The following NKX3-2 variants were observed in gnomAD, a reference collection of about 807,000 sequenced individuals.
NKX3-2 encodes the protein NK3 homeobox 2, also known as homeobox protein Nkx-3.2.
In NKX3-2, 13 loss-of-function variants were observed where a neutral mutation model predicts 19.4. The ratio of observed to expected loss-of-function variants is 0.67; its 90% CI spans 0.44 to 1.07. The LOEUF (loss-of-function observed/expected upper bound fraction) is 1.07, where lower values mean the gene tolerates loss of function less well. NKX3-2 is among the 50% of genes least tolerant of loss of function. The pLI is 0.00. For synonymous variants in NKX3-2, 269 were observed against 230.5 expected (o/e 1.17, Z -1.51); for missense variants, 562 against 488.2 (o/e 1.15, Z -1.42).
rs1255214650 is a variant in NKX3-2 at position 13,544,263 on chromosome 4, C to G, written c.152G>C (p.Cys51Ser). Residue 51 changes from cysteine to serine, a missense_variant, in exon 1 of 2, where the codon TGT becomes TCT. Transcript: ENST00000382438. ...GTCCCTCTCCCCAAAGAGCCGCCAA[C>G]AGCAGACAGCGGGAGCCGCGGCCAC... ...ASVAAAPAVC[C>S]WRLFGERDAG... The G allele has an allele frequency of 6.4e-7, 1 of 1,565,652 alleles. No homozygotes were observed. Among genetic ancestry groups the G allele is most frequent in the Non-Finnish European group, 8.6e-7 (1 of 1,164,788 alleles).
chr4:13,541,895 C>A lies in NKX3-2; in HGVS notation c.*98G>T, dbSNP rs1315381798. On this transcript the variant is annotated 3_prime_UTR_variant, in exon 2 of 2. Transcript: ENST00000382438. ...AGCTGGGTTTCACCTCCAGGTGCCT[C>A]CTTGGCGGGGCGCCCCGTGCAGGCT... 1 of 1,509,226 alleles carries A rather than the reference C, an allele frequency of 6.6e-7. No homozygotes were observed. The highest frequency in any genetic ancestry group is 8.9e-7 in the Non-Finnish European group (1 of 1,121,494). The allele number at this position is 1,509,226 out of a possible 1,614,324, so 93.5% of individuals were successfully genotyped here.
Position 13,542,654 on chromosome 4 carries a change from G to T in NKX3-2, c.467-126C>A. ...CACTTTGATCCCACTCAAGCGGAGCGGAGGTCTGGGAGGCCCTGGGCCCGG... is the reference window on the plus strand; with the variant it reads ...CACTTTGATCCCACTCAAGCGGAGCTGAGGTCTGGGAGGCCCTGGGCCCGG... On this transcript the variant is annotated intron_variant, in intron 1 of 1. Transcript: ENST00000382438. This position sits in a 1 kb window ranked among gnomAD's most constrained non-coding sequence, Gnocchi z 6.4. The T allele has an allele frequency of 4.8e-6, 6 of 1,243,750 alleles. No homozygotes were observed. The highest frequency in any genetic ancestry group is 6.9e-6 in the Non-Finnish European group (6 of 872,672). The allele number at this position is 1,243,750 out of a possible 1,614,324, so 77.0% of individuals were successfully genotyped here.
At position 13,541,827 on chromosome 4, in the gene NKX3-2, C is replaced by T; in HGVS notation, c.*166G>A. Reference sequence around the variant, plus strand: ...AAAAGGCGCCCCCTCAGGGCAGACTCAGCCCAGCTGCCAGGGGACAAGTCC... The same window carrying T: ...AAAAGGCGCCCCCTCAGGGCAGACTTAGCCCAGCTGCCAGGGGACAAGTCC... On this transcript the variant is annotated 3_prime_UTR_variant, in exon 2 of 2. Coordinates refer to ENST00000382438, the MANE Select transcript of NKX3-2 (RefSeq NM_001189.4). 9.0e-7 allele frequency: 1 copy of T among 1,114,266 alleles called. No individual in the cohort carries two copies. The highest frequency in any genetic ancestry group is 1.3e-6 in the Non-Finnish European group (1 of 793,656). 69.0% of individuals were successfully genotyped at this position (1,114,266 alleles called of 1,614,324 possible). A position where few individuals can be genotyped will look rare whatever the true frequency, so the allele number is the denominator to read the frequency against.
At chr4:13,546,996 C>T (rs1464485999), upstream of NKX3-2, 1 of 456,270 alleles carries the variant, frequency 2.2e-6, no homozygotes, top group South Asian at 1.5e-5. Context: ...CTGGTGTCAT[C>T]TCGGGCCATT....
At chr4:13,545,257 A>G (rs1718104235), upstream of NKX3-2, among the ~76,000 whole-genome samples, 1 of 152,196 alleles carries the variant, frequency 6.6e-6, no homozygotes, top group African/African-American at 2.4e-5. Context: ...ACCCTCCAGC[A>G]ACAAGGAGGC....
chr4:13,544,095 C>T lies in NKX3-2; in HGVS notation c.320G>A (p.Cys107Tyr). The part of the protein sequence containing the change: ...LSEENESRRR[C>Y]ADARGASGAG... ...CCCGCTGGCCCCCCGCGCGTCCGCG[C>T]AGCGCCGCCTGCTCTCGTTCTCCTC... Residue 107 changes from cysteine to tyrosine, a missense_variant, in exon 1 of 2, where the codon TGC becomes TAC. Coordinates refer to ENST00000382438, the MANE Select transcript of NKX3-2 (RefSeq NM_001189.4). 6.3e-7 allele frequency: 1 copy of T among 1,591,072 alleles called. No homozygotes were observed.
Position 13,543,978 on chromosome 4 carries a change from C to T in NKX3-2, c.437G>A (p.Ser146Asn). ...GACGCTGGCGGACATCTCGCTGTCG[C>T]TCCGGCCCGCGGCTTCCTCCTCTAG... ...KDLEEEAAGRSDSEMSASVSG... is the reference protein window; with the variant it reads ...KDLEEEAAGRNDSEMSASVSG... The change falls in exon 1 of 2, where the codon AGC (serine) becomes AAC (asparagine). Residue 146 changes from serine to asparagine, a missense_variant. By Grantham distance (46) the Ser-to-Asn change is conservative. Transcript: ENST00000382438. This position sits in a 1 kb window ranked among gnomAD's most constrained non-coding sequence, Gnocchi z 7.1. 1 of 1,557,580 alleles carries T rather than the reference C, an allele frequency of 6.4e-7. No individual in the cohort carries two copies. The highest frequency in any genetic ancestry group is 8.7e-7 in the Non-Finnish European group (1 of 1,153,716).
chr4:13,542,222 C>A lies in NKX3-2; in HGVS notation c.773G>T (p.Arg258Leu). 6.2e-7 allele frequency: 1 copy of A among 1,611,538 alleles called. No homozygotes were observed. ...TQVKIWFQNR[R>L]YKTKRRQMAA... ...CATCTGCCGGCGCTTTGTCTTGTAG[C>A]GACGGTTCTGGAACCAGATTTTCAC... Residue 258 changes from arginine (R) to leucine (L), a missense_variant, in exon 2 of 2, where the codon CGC becomes CTC. Transcript: ENST00000382438. The surrounding 1 kb of genome is among the most constrained non-coding windows in gnomAD (Gnocchi z 6.4).
In NKX3-2 at chr4:13,544,078, C is replaced by G. The variant is rs747796521; in HGVS notation, c.337G>C (p.Ala113Pro). The change falls in exon 1 of 2, where the codon GCC (alanine) becomes CCC (proline). Residue 113 changes from alanine to proline, a missense_variant. Transcript: ENST00000382438. ...SRRRCADARG[A>P]SGAGLAGGSL... Reference sequence around the variant, plus strand: ...CCCCCCGCAAGGCCGGCCCCGCTGGCCCCCCGCGCGTCCGCGCAGCGCCGC... The same window carrying G: ...CCCCCCGCAAGGCCGGCCCCGCTGGGCCCCCGCGCGTCCGCGCAGCGCCGC... 2 of 1,581,300 alleles carry G rather than the reference C, an allele frequency of 1.3e-6. No individual in the cohort carries two copies.
Position 13,543,916 on chromosome 4 carries a change from C to T in NKX3-2, c.466+33G>A. On this transcript the variant is annotated intron_variant, in intron 1 of 1. Coordinates refer to ENST00000382438, the MANE Select transcript of NKX3-2 (RefSeq NM_001189.4). This position sits in a 1 kb window ranked among gnomAD's most constrained non-coding sequence, Gnocchi z 7.1. ...TTGCCCTCCGCGTCCATCCCCTCAG[C>T]CCGGCCCCCATCCCCGCGAAGCCGC... The T allele has an allele frequency of 6.6e-7, 1 of 1,520,654 alleles. No individual in the cohort carries two copies. Among genetic ancestry groups the T allele is most frequent in the Non-Finnish European group, 8.8e-7 (1 of 1,135,006 alleles). 94.2% of individuals were successfully genotyped at this position (1,520,654 alleles called of 1,614,324 possible). A position where few individuals can be genotyped will look rare whatever the true frequency, so the allele number is the denominator to read the frequency against.
In NKX3-2 at chr4:13,542,452, G is replaced by A. The variant is rs773583234; in HGVS notation, c.543C>T (p.Ala181=). 6 of 1,578,390 alleles carry A rather than the reference G, an allele frequency of 3.8e-6. No individual in the cohort carries two copies. Among genetic ancestry groups the A allele is most frequent in the Middle Eastern group, 2.2e-4 (1 of 4,478 alleles). Residue 181 remains alanine (A), a synonymous_variant, in exon 2 of 2, where the codon GCC becomes GCT. Coordinates refer to ENST00000382438, the MANE Select transcript of NKX3-2 (RefSeq NM_001189.4). The surrounding 1 kb of genome is among the most constrained non-coding windows in gnomAD (Gnocchi z 6.4). ...GAHVSALCSG[A]GGGGGSGPAG... ...CCGGCCCGCTGCCGCCCCCGCCGCC[G>A]GCCCCGCTGCACAGCGCGGACACGT...
At chr4:13,545,335 CACTGAT>C (rs1257956044), upstream of NKX3-2, among the ~76,000 whole-genome samples, 1 of 152,230 alleles carries the variant, frequency 6.6e-6, no homozygotes, top group Non-Finnish European at 1.5e-5. Context: ...TTTAACAGAA[CACTGAT>C]ACTAAGTTGA....
Position 13,543,293 on chromosome 4 carries a change from G to A in NKX3-2, c.466+656C>T, listed in dbSNP as rs1412604839. 1.3e-5 allele frequency among the ~76,000 whole-genome samples: 2 copies of A among 152,152 alleles called. No individual in the cohort carries two copies. Among genetic ancestry groups the A allele is most frequent in the Non-Finnish European group, 2.9e-5 (2 of 68,028 alleles). On this transcript the variant is annotated intron_variant, in intron 1 of 1. Coordinates refer to ENST00000382438, the MANE Select transcript of NKX3-2 (RefSeq NM_001189.4). This position sits in a 1 kb window ranked among gnomAD's most constrained non-coding sequence, Gnocchi z 7.1. The stretch of plus-strand genomic sequence containing the variant: ...CTAGGGCAGGCACCCGGGTCTTCCA[G>A]ACCACAGGACAGGACAGGCCACGGC...
chr4:13,544,899 T>TA (rs1412714214), upstream of NKX3-2: 1 of 152,120 alleles, frequency 6.6e-6, no homozygotes, highest in Non-Finnish European at 1.5e-5. Flanking sequence ...GGCAGGCTCT[T>TA]CCGGAGCCCA....
At position 13,543,253 on chromosome 4, in the gene NKX3-2, G is replaced by T. The variant is rs1718033171; in HGVS notation, c.466+696C>A. On this transcript the variant is annotated intron_variant, in intron 1 of 1. Coordinates refer to ENST00000382438, the MANE Select transcript of NKX3-2 (RefSeq NM_001189.4). The surrounding 1 kb of genome is among the most constrained non-coding windows in gnomAD (Gnocchi z 7.1). ...CGGTCCCCTGTGCTTGAGGCCTACA[G>T]AAGCTTGTACCCAACTAGGGCAGGC... 6.6e-6 allele frequency among the ~76,000 whole-genome samples: 1 copy of T among 152,156 alleles called. No homozygotes were observed. Among genetic ancestry groups the T allele is most frequent in the Admixed American group, 6.5e-5 (1 of 15,282 alleles).
Position 13,544,235 on chromosome 4 carries a change from C to A in NKX3-2, c.180G>T (p.Ala60=). The part of the protein sequence containing the change: ...CCWRLFGERD[A]GALGGAEDSL... ...AGTCCTCGGCGCCCCCCAACGCGCC[C>A]GCGTCCCTCTCCCCAAAGAGCCGCC... The change falls in exon 1 of 2, where the codon GCG becomes GCT. Residue 60 remains alanine, a synonymous_variant. Transcript: ENST00000382438. 1 of 1,588,488 alleles carries A rather than the reference C, an allele frequency of 6.3e-7. No individual in the cohort carries two copies. The highest frequency in any genetic ancestry group is 8.5e-7 in the Non-Finnish European group (1 of 1,175,238).
chr4:13,545,821 G>A (rs776723311), upstream of NKX3-2, among the ~76,000 whole-genome samples: 4 of 152,066 alleles, frequency 2.6e-5, no homozygotes, highest in Non-Finnish European at 4.4e-5. Context: ...TGTTTGCTTA[G>A]AAGTATACCT....
upstream of NKX3-2, chr4:13,547,119 C>G (rs1200021855): frequency 4.4e-6 from 2 of 456,192 alleles, no homozygotes; most frequent in East Asian, 1.4e-4. Flanking sequence ...GAAGCTGCTC[C>G]TAGCAAGGGG....
chr4:13,546,727 G>A, upstream of NKX3-2: 1 of 363,408 alleles, frequency 2.8e-6, no homozygotes, highest in South Asian at 2.0e-5. Context: ...ACTAGAGTAG[G>A]TTTGGGGCTA....
Sources: allele counts gnomAD v4.1 joint callset (sites outside exome capture counted in the v4.1 genomes callset), GRCh38; gene constraint gnomAD v4.1.1; non-coding constraint Gnocchi (gnomAD v3.1); transcripts MANE v1.5; gene names NCBI Gene and HGNC (gene_info 2026-07-23, HGNC 2026-07-21).